KIF16B: variants seen among roughly 807,000 people sequenced by gnomAD.
The protein encoded by KIF16B is kinesin family member 16B.
KIF16B carries 98 observed loss-of-function variants against 156.3 expected under a neutral mutation model. That is an observed-to-expected ratio of 0.63 (90% CI 0.53 to 0.74). The LOEUF (loss-of-function observed/expected upper bound fraction) is 0.74, where lower values mean the gene tolerates loss of function less well. Among genes scored for constraint, KIF16B ranks in the 30% least tolerant of loss-of-function variants. The pLI is 0.00. For synonymous variants in KIF16B, 564 were observed against 583.7 expected (o/e 0.97, Z 0.49); for missense variants, 1,421 against 1,606.5 (o/e 0.88, Z 1.97).
At chr20:16,516,488 C>G (rs6044047) in intron 3 of KIF16B, among the ~76,000 whole-genome samples, 16,308 of 152,172 alleles carry the variant, frequency 0.11, 1,089 homozygotes, top group East Asian at 0.33. Context: ...CCTCTCAGCC[C>G]AGCACACTAA....
rs183298906 is a variant in KIF16B, at chr20:16,466,983, G to A, written c.1302+27308C>T. Among the ~76,000 whole-genome samples the A allele has an allele frequency of 4.4e-3, 662 of 151,778 alleles. 5 individuals are homozygous for A. Among genetic ancestry groups the A allele is most frequent in the Middle Eastern group, 6.8e-3 (2 of 294 alleles). ...GTGAGTTTTACCACCAGAAGTCCACGTTCTCATGCTTTTGGGAGGCAGAGA... is the reference window on the plus strand; with the variant it reads ...GTGAGTTTTACCACCAGAAGTCCACATTCTCATGCTTTTGGGAGGCAGAGA... On this transcript the variant is annotated intron_variant, in intron 12 of 25. Coordinates refer to ENST00000354981, the MANE Select transcript of KIF16B (RefSeq NM_024704.5).
intron 24 of KIF16B, among the ~76,000 whole-genome samples, chr20:16,332,984 C>G (rs180727320): frequency 6.6e-6 from 1 of 152,244 alleles, no homozygotes; most frequent in African/African-American, 2.4e-5. Context: ...ATTAAAATGA[C>G]CTTTTAAGTG....
chr20:16,313,218 C>T (rs1302673947), intron 24 of KIF16B, among the ~76,000 whole-genome samples: 2 of 152,246 alleles, frequency 1.3e-5, no homozygotes, highest in East Asian at 3.9e-4. Flanking sequence ...TATTTCCTTC[C>T]TTTCTCAATT....
intron 2 of KIF16B, among the ~76,000 whole-genome samples, chr20:16,528,124 G>A (rs1435538978): frequency 6.6e-6 from 1 of 152,174 alleles, no homozygotes. Flanking sequence ...AGACTCAGGA[G>A]CTCCTGGACC....
chr20:16,326,553 AC>A (rs1197151455), intron 24 of KIF16B, among the ~76,000 whole-genome samples: 1 of 152,180 alleles, frequency 6.6e-6, no homozygotes, highest in Non-Finnish European at 1.5e-5. Flanking sequence ...CAAATGGCCA[AC>A]AAACTTATGA....
At chr20:16,352,463 G>C (rs1286553057) in intron 23 of KIF16B, among the ~76,000 whole-genome samples, 1 of 152,150 alleles carries the variant, frequency 6.6e-6, no homozygotes, top group Non-Finnish European at 1.5e-5. Flanking sequence ...AAAGACCAGT[G>C]GTGGAAACCT....
At chr20:16,447,318 T>A (rs975915296) in intron 12 of KIF16B, among the ~76,000 whole-genome samples, 1 of 151,896 alleles carries the variant, frequency 6.6e-6, no homozygotes, top group East Asian at 1.9e-4. Flanking sequence ...AAAAAGTTCC[T>A]TTTTTTTAAT....
chr20:16,532,585 C>A (rs941243459), intron 1 of KIF16B, among the ~76,000 whole-genome samples: 1 of 152,174 alleles, frequency 6.6e-6, no homozygotes, highest in Non-Finnish European at 1.5e-5. Flanking sequence ...GCATGTCCTG[C>A]TCAACAAGAG....
At chr20:16,430,173 A>C (rs1301997458) in intron 12 of KIF16B, among the ~76,000 whole-genome samples, 191 bp from the exon 13 acceptor site, 1 of 152,208 alleles carries the variant, frequency 6.6e-6, no homozygotes, top group Non-Finnish European at 1.5e-5. Flanking sequence ...ACTTATAAAA[A>C]GCGAAATATA....
chr20:16,483,546 T>C (rs1389855028), intron 12 of KIF16B, among the ~76,000 whole-genome samples: 1 of 152,122 alleles, frequency 6.6e-6, no homozygotes, highest in African/African-American at 2.4e-5. Context: ...ACAAAATTAA[T>C]AAGAGAAAAT....
intron 1 of KIF16B, among the ~76,000 whole-genome samples, chr20:16,565,096 A>T (rs2071204642): frequency 6.6e-6 from 1 of 152,206 alleles, no homozygotes; most frequent in East Asian, 1.9e-4. Context: ...GACAGTTATT[A>T]TATATTTATT....
chr20:16,472,175 T>C lies in KIF16B; in HGVS notation c.1302+22116A>G, dbSNP rs188403010. 4.1e-3 allele frequency among the ~76,000 whole-genome samples: 626 copies of C among 152,342 alleles called. 2 individuals carry two copies. Among genetic ancestry groups the C allele is most frequent in the Non-Finnish European group, 7.8e-3 (533 of 68,028 alleles). ...CAGCCATGTCCCATTTGAGGTCTTA[T>C]CTGCATATGCTTTCGTTCCACCTCC... is the stretch of plus-strand genomic sequence containing the variant. On this transcript the variant is annotated intron_variant, in intron 12 of 25. Transcript: ENST00000354981.
rs144001568 is a variant in KIF16B, at chr20:16,525,264, G to C, written c.231+828C>G. ...ATGGATTACAACCCAGGCCAGGCAG[G>C]ACAGGAATTCTTATCCCCGTTTTAA... On this transcript the variant is annotated intron_variant, in intron 3 of 25. Coordinates refer to ENST00000354981, the MANE Select transcript of KIF16B (RefSeq NM_024704.5). 1.8e-4 allele frequency among the ~76,000 whole-genome samples: 28 copies of C among 152,208 alleles called. No homozygotes were observed. In the East Asian group the frequency reaches 4.2e-3, roughly 23 times the overall value.
chr20:16,436,953 C>T (rs1031827576), intron 12 of KIF16B, among the ~76,000 whole-genome samples: 6 of 152,122 alleles, frequency 3.9e-5, no homozygotes, highest in Admixed American at 6.6e-5. Context: ...GACTGGTTCC[C>T]GGACTCCTGA....
In KIF16B at chr20:16,410,751, T is replaced by C. The variant is rs115882935; in HGVS notation, c.1613-4295A>G. The stretch of plus-strand genomic sequence containing the variant: ...GCAATCACCTGGTGATCCATGTCTT[T>C]TTGTTAGCATAATGAACAAGTAGGA... On this transcript the variant is annotated intron_variant, in intron 15 of 25. Transcript: ENST00000354981. Among the ~76,000 whole-genome samples the C allele has an allele frequency of 4.5e-4, 68 of 152,216 alleles. 1 individual carries two copies. Among genetic ancestry groups the C allele is most frequent in the African/African-American group, 1.6e-3 (67 of 41,554 alleles).
intron 15 of KIF16B, among the ~76,000 whole-genome samples, chr20:16,425,295 G>C (rs1486236636): frequency 6.6e-6 from 1 of 152,068 alleles, no homozygotes; most frequent in Non-Finnish European, 1.5e-5. Context: ...AGGACAATTT[G>C]ATATTGAAAT....
At chr20:16,428,093 A>T (rs373059006) in intron 14 of KIF16B, among the ~76,000 whole-genome samples, 26 of 152,280 alleles carry the variant, frequency 1.7e-4, no homozygotes, top group African/African-American at 6.0e-4. Context: ...CCTGATGCCT[A>T]CTTCTACCCA....
At chr20:16,410,076 T>TATATATATGTAGGTAC (rs1568948507) in intron 15 of KIF16B, among the ~76,000 whole-genome samples, 5 of 67,106 alleles carry the variant, frequency 7.5e-5, no homozygotes, top group African/African-American at 3.3e-4. Context: ...TGTAGGTACA[T>TATATATATGTAGGTAC]ATATATATAT....
intron 15 of KIF16B, among the ~76,000 whole-genome samples, chr20:16,415,429 C>T (rs2066062220): frequency 6.6e-6 from 1 of 152,110 alleles, no homozygotes; most frequent in African/African-American, 2.4e-5. Context: ...AAGTCTTTTA[C>T]CTTCAACCCC....
Sources: gnomAD v4.1 joint callset for allele counts (sites outside exome capture counted in the v4.1 genomes callset) on GRCh38, gnomAD v4.1.1 for gene constraint, MANE v1.5 for transcripts, NCBI Gene and HGNC (gene_info 2026-07-23, HGNC 2026-07-21) for gene names.